Variants in BSCL2 observed in about 807,000 individuals in gnomAD.
The protein encoded by BSCL2 is BSCL2 lipid droplet biogenesis associated, seipin.
A neutral mutation model predicts 57.4 loss-of-function variants in BSCL2; 41 were observed. The observed-to-expected ratio is 0.71, with a 90% CI of 0.56 to 0.93. The LOEUF (loss-of-function observed/expected upper bound fraction) is 0.93. BSCL2 is among the 40% of genes least tolerant of loss of function. BSCL2 has a pLI of 0.00. For missense variants in BSCL2, 539 were observed against 586.7 expected, an observed-to-expected ratio of 0.92 and a Z score of 0.84; for synonymous variants, 237 against 227.3, an observed-to-expected ratio of 1.04 and a Z score of -0.38.
chr11:62,705,159 G>A (rs1410898371), intron 2 of BSCL2, 142 bp downstream of exon 2: 1 of 867,946 alleles, frequency 1.2e-6, no homozygotes, highest in African/African-American at 1.7e-5. Flanking sequence ...ATCTAGCCTT[G>A]GGCTGTGAAA....
chr11:62,700,943 A>G (rs540390428), intron 3 of BSCL2, among the ~76,000 whole-genome samples: 70 of 81,792 alleles, frequency 8.6e-4, no homozygotes, highest in Middle Eastern at 0.01. Context: ...ACAGAGCAAG[A>G]CTCTGTCTCA....
At chr11:62,699,035 A>G (rs1008943852) in intron 3 of BSCL2, among the ~76,000 whole-genome samples, 3 of 151,796 alleles carry the variant, frequency 2.0e-5, no homozygotes, top group African/African-American at 7.3e-5. Flanking sequence ...CCTCCAGAGT[A>G]GCTGGGATTA....
At chr11:62,705,774 C>T in intron 1 of BSCL2, 157 bp from the exon 2 acceptor site, 1 of 732,900 alleles carries the variant, frequency 1.4e-6, no homozygotes, top group Non-Finnish European at 2.2e-6. Context: ...TGCCACTCTG[C>T]CAATTACCCC....
At chr11:62,703,509 C>A (rs1046816255) in intron 2 of BSCL2, among the ~76,000 whole-genome samples, 2 of 151,608 alleles carry the variant, frequency 1.3e-5, no homozygotes, top group African/African-American at 2.4e-5. Context: ...CCTGCCACCA[C>A]GCCCGGCTAA....
At chr11:62,706,343 T>C (rs1357426548) in intron 1 of BSCL2, 1 of 1,110,068 alleles carries the variant, frequency 9.0e-7, no homozygotes, top group Non-Finnish European at 1.1e-6. Context: ...GCCGCTTTTG[T>C]AGCCGTGGGA....
At chr11:62,708,041 G>A, upstream of BSCL2, 1 of 526,970 alleles carries the variant, frequency 1.9e-6, no homozygotes, top group South Asian at 2.1e-5. Context: ...GGGCTGAAAA[G>A]CCTTAAATCA....
In BSCL2 at chr11:62,696,901, G is replaced by A. The variant is rs1590875587; in HGVS notation, c.487-2190C>T. Among the ~76,000 whole-genome samples the A allele has an allele frequency of 2.0e-5, 3 of 151,946 alleles. No homozygotes were observed. The South Asian group carries it at 6.2e-4, about 31-fold the overall frequency. On this transcript the variant is annotated intron_variant, in intron 3 of 10. Transcript: ENST00000360796. ...ATAGGTAGTTCTCTTAGCCAGGTGT[G>A]GTGGTGCATGCCTGCAGTCCCAGCT... is the stretch of plus-strand genomic sequence containing the variant.
rs778378228 is a variant in BSCL2 at position 62,692,739 on chromosome 11, C to T, written c.689G>A (p.Ser230Asn). 1 of 1,614,116 alleles carries T rather than the reference C, an allele frequency of 6.2e-7. No individual in the cohort carries two copies. Among genetic ancestry groups the T allele is most frequent in the Non-Finnish European group, 8.5e-7 (1 of 1,180,024 alleles). ...CTCTGCAAAGCCAAATAGCAGGAGG[C>T]TAGAGAAGACCAGTGTGTCCAGCAT... is the stretch of plus-strand genomic sequence containing the variant. ...LQMLDTLVFSSLLLFGFAEQK... is the reference protein window; with the variant it reads ...LQMLDTLVFSNLLLFGFAEQK... The change falls in exon 5 of 11, where the codon AGC becomes AAC. Residue 230 changes from serine to asparagine, a missense_variant. By Grantham distance (46) the Ser-to-Asn change is conservative. Around this residue, in one of 3 missense-constraint regions of BSCL2, gnomAD observed 73 missense variants for 122.0 expected, o/e 0.60. Coordinates refer to ENST00000360796, the MANE Select transcript of BSCL2 (RefSeq NM_001122955.4).
upstream of BSCL2, chr11:62,709,503 G>C (rs939021366): frequency 4.4e-6 from 2 of 453,062 alleles, no homozygotes; most frequent in African/African-American, 4.0e-5. Context: ...GTACAGCAGA[G>C]GAACTCTTAG....
upstream of BSCL2, chr11:62,709,236 G>A (rs1322848849): frequency 4.4e-6 from 2 of 455,004 alleles, no homozygotes; most frequent in Non-Finnish European, 8.8e-6. Flanking sequence ...TGGGGGGAGA[G>A]GATCATCAAG....
chr11:62,703,259 G>A (rs1945698559), intron 2 of BSCL2, among the ~76,000 whole-genome samples: 1 of 151,874 alleles, frequency 6.6e-6, no homozygotes, highest in Admixed American at 6.6e-5. Context: ...TCTACAGATG[G>A]TTATTAAGAA....
In BSCL2 at chr11:62,699,914, G is replaced by A. The variant is rs112053330; in HGVS notation, c.486+2554C>T. Reference sequence around the variant, plus strand: ...GGCTGGTCACGAACTCCTGACCTCAGGTGACCCACCTGCCTCCTCAGCCTC... The same window carrying A: ...GGCTGGTCACGAACTCCTGACCTCAAGTGACCCACCTGCCTCCTCAGCCTC... On this transcript the variant is annotated intron_variant, in intron 3 of 10. Transcript: ENST00000360796. Among the ~76,000 whole-genome samples the A allele has an allele frequency of 3.0e-3, 448 of 151,114 alleles. 3 individuals carry two copies. Among genetic ancestry groups the A allele is most frequent in the African/African-American group, 0.01 (419 of 41,146 alleles).
intron 6 of BSCL2, among the ~76,000 whole-genome samples, 176 bp downstream of exon 6, chr11:62,692,200 T>C (rs552153657): frequency 1.4e-3 from 206 of 152,152 alleles, no homozygotes; most frequent in African/African-American, 4.6e-3. Context: ...GATGCCTAGA[T>C]AAAAGTTCCC....
At chr11:62,692,273 T>C (rs1945331554) in intron 6 of BSCL2, 103 bp downstream of exon 6, 1 of 1,229,058 alleles carries the variant, frequency 8.1e-7, no homozygotes, top group Non-Finnish European at 1.2e-6. Context: ...GAAACCCAAG[T>C]CAGCTCTGCT....
intron 3 of BSCL2, among the ~76,000 whole-genome samples, chr11:62,696,279 T>TGTGTGTGTGTGG (rs1945458885): frequency 1.0e-4 from 1 of 9,666 alleles, no homozygotes; most frequent in Non-Finnish European, 4.2e-4. Flanking sequence ...ATAAACTTTT[T>TGTGTGTGTGTGG]GTGTGTGTGT....
chr11:62,696,938 T>TGA (rs1356983972), intron 3 of BSCL2, among the ~76,000 whole-genome samples: 3 of 151,736 alleles, frequency 2.0e-5, no homozygotes, highest in Non-Finnish European at 2.9e-5. Context: ...CTGAGGAGAC[T>TGA]GAGGCAGGAG....
chr11:62,707,625 A>G (rs1005305189), upstream of BSCL2: 4 of 497,172 alleles, frequency 8.0e-6, no homozygotes, highest in Non-Finnish European at 1.1e-5. Flanking sequence ...GCAGGCAGCT[A>G]GGCTCCCCCA....
At chr11:62,694,008 T>C (rs1945378887) in intron 4 of BSCL2, among the ~76,000 whole-genome samples, 2 of 150,252 alleles carry the variant, frequency 1.3e-5, no homozygotes, top group Admixed American at 6.7e-5. Flanking sequence ...GAGACGGGAT[T>C]TCTCCATGTT....
At chr11:62,701,146 T>A (rs1590880046) in intron 3 of BSCL2, among the ~76,000 whole-genome samples, 1 of 152,202 alleles carries the variant, frequency 6.6e-6, no homozygotes, top group South Asian at 2.1e-4. Context: ...TAATGTTATA[T>A]AAATGCTTTC....
Sources: gnomAD v4.1 joint callset for allele counts (sites outside exome capture counted in the v4.1 genomes callset) on GRCh38, gnomAD v4.1.1 for gene constraint, gnomAD v4.1.1 regional missense constraint, MANE v1.5 for transcripts, NCBI Gene and HGNC (gene_info 2026-07-23, HGNC 2026-07-21) for gene names.